Variants in PHYH observed in about 807,000 individuals in gnomAD.
The protein encoded by PHYH is phytanoyl-CoA 2-hydroxylase, also known as phytanoyl-CoA dioxygenase, peroxisomal.
In PHYH, 32 loss-of-function variants were observed where a neutral mutation model predicts 38.5. That is an observed-to-expected ratio of 0.83 (90% CI 0.63 to 1.12). The LOEUF (loss-of-function observed/expected upper bound fraction) is 1.12. Among genes scored for constraint, PHYH ranks in the 50% most tolerant of loss-of-function variants. The pLI is 0.00. For missense variants in PHYH, 426 were observed against 434.8 expected (o/e 0.98, Z 0.18); for synonymous variants, 166 against 157.9 (o/e 1.05, Z -0.38).
At chr10:13,286,232 T>C (rs895328646) in intron 6 of PHYH, among the ~76,000 whole-genome samples, 2 of 152,168 alleles carry the variant, frequency 1.3e-5, no homozygotes, top group Non-Finnish European at 2.9e-5. Context: ...TCTTTGCTTC[T>C]AGATGCCTAT....
intron 1 of PHYH, chr10:13,299,563 A>T: frequency 9.8e-7 from 1 of 1,017,590 alleles, no homozygotes; most frequent in Non-Finnish European, 1.2e-6. Flanking sequence ...GGTCCCGGTC[A>T]CTGCCTGCCT....
intron 5 of PHYH, among the ~76,000 whole-genome samples, chr10:13,289,279 T>C (rs1835641460): frequency 1.3e-5 from 2 of 152,140 alleles, no homozygotes; most frequent in South Asian, 4.1e-4. Flanking sequence ...CACTGCAAGC[T>C]CCGCCTCCCA....
At chr10:13,286,681 C>T (rs1588509694) in intron 6 of PHYH, among the ~76,000 whole-genome samples, 1 of 133,234 alleles carries the variant, frequency 7.5e-6, no homozygotes, top group Admixed American at 7.9e-5. Flanking sequence ...AGCCTGGTGA[C>T]AGAGTGAGAC....
At chr10:13,285,246 C>T (rs575623264) in intron 6 of PHYH, among the ~76,000 whole-genome samples, 128 of 152,034 alleles carry the variant, frequency 8.4e-4, no homozygotes, top group African/African-American at 2.9e-3. Context: ...TGCAGTGGTG[C>T]GATCTCAGCT....
rs888105327 is a variant in PHYH, at chr10:13,295,687, G to T, written c.135-81C>A. 7.1e-5 allele frequency: 53 copies of T among 743,300 alleles called. 2 individuals are homozygous for T. Among genetic ancestry groups the T allele is most frequent in the South Asian group, 3.9e-4 (28 of 71,114 alleles). The allele number at this position is 743,300 out of a possible 1,614,324, so 46.0% of individuals were successfully genotyped here. A position where few individuals can be genotyped will look rare whatever the true frequency, so the allele number is the denominator to read the frequency against. On this transcript the variant is annotated intron_variant, in intron 2 of 8. Transcript: ENST00000263038. Reference sequence around the variant, plus strand: ...ACAATGGCTCACACCTCTAATACTAGCACTTTAGCGGGCCGAGGCAAGTGG... The same window carrying T: ...ACAATGGCTCACACCTCTAATACTATCACTTTAGCGGGCCGAGGCAAGTGG...
At chr10:13,288,922 C>CAAA (rs36019637) in intron 5 of PHYH, among the ~76,000 whole-genome samples, 10 of 40,922 alleles carry the variant, frequency 2.4e-4, no homozygotes, top group African/African-American at 3.3e-4. Context: ...CACCCCCAAC[C>CAAA]AAAAAAAAAA....
At chr10:13,287,631 T>C (rs1808094968) in intron 6 of PHYH, among the ~76,000 whole-genome samples, 1 of 152,162 alleles carries the variant, frequency 6.6e-6, no homozygotes, top group Admixed American at 6.6e-5. Context: ...CTCTTCCCTA[T>C]GGGACATTGT....
chr10:13,287,750 TAGTG>T (rs1480903646), intron 6 of PHYH, among the ~76,000 whole-genome samples: 1 of 152,174 alleles, frequency 6.6e-6, no homozygotes, highest in Admixed American at 6.5e-5. Context: ...AGCCATCAGT[TAGTG>T]AGTAAGACTG....
chr10:13,287,266 G>C (rs1348515346), intron 6 of PHYH, among the ~76,000 whole-genome samples: 1 of 152,078 alleles, frequency 6.6e-6, no homozygotes, highest in African/African-American at 2.4e-5. Flanking sequence ...CTGAACCCAG[G>C]AGGCAGAGGT....
chr10:13,278,963 C>T (rs922845425), intron 8 of PHYH, among the ~76,000 whole-genome samples: 63 of 151,952 alleles, frequency 4.1e-4, no homozygotes, highest in African/African-American at 1.4e-3. Context: ...AATGTCATGT[C>T]GGGTTACAGA....
chr10:13,298,718 C>CACT lies in PHYH; in HGVS notation c.76-476_76-474dup, dbSNP rs56043624. 6.8e-3 allele frequency among the ~76,000 whole-genome samples: 633 copies of CACT among 93,430 alleles called. 3 individuals are homozygous for CACT. Among genetic ancestry groups the CACT allele is most frequent in the African/African-American group, 0.016 (412 of 26,174 alleles). The allele number at this position is 93,430 out of a possible 152,430, so 61.3% of individuals were successfully genotyped here. The stretch of plus-strand genomic sequence containing the variant: ...TCCATCTCAGAAAAAAAACTACCAC[C>CACT]ACTACTACTACTACTACTACTACTA... On this transcript the variant is annotated intron_variant, in intron 1 of 8. Coordinates refer to ENST00000263038, the MANE Select transcript of PHYH (RefSeq NM_006214.4).
chr10:13,295,015 T>C (rs1835807561), intron 3 of PHYH: 2 of 320,658 alleles, frequency 6.2e-6, no homozygotes, highest in Non-Finnish European at 1.2e-5. Context: ...GTGAAGTAAA[T>C]TGCCCCAGGA....
At chr10:13,289,272 T>C (rs1316984177) in intron 5 of PHYH, among the ~76,000 whole-genome samples, 1 of 152,194 alleles carries the variant, frequency 6.6e-6, no homozygotes, top group African/African-American at 2.4e-5. Context: ...CTCGGCTCAC[T>C]GCAAGCTCCG....
At chr10:13,299,867 G>A in intron 1 of PHYH, 101 bp downstream of exon 1, 1 of 1,368,396 alleles carries the variant, frequency 7.3e-7, no homozygotes, top group Non-Finnish European at 9.4e-7. Context: ...CTGGGGCTGC[G>A]AAGCGTGCGA....
In PHYH at chr10:13,291,878, T is replaced by C. The variant is rs1337094816; in HGVS notation, c.449A>G (p.Asn150Ser). ...CAACATTGTGTGCATGGCCATAATATTAGGTCCAGTGAAGCACTCCACATA... is the reference window on the plus strand; with the variant it reads ...CAACATTGTGTGCATGGCCATAATACTAGGTCCAGTGAAGCACTCCACATA... ...LKYVECFTGP[N>S]IMAMHTMLIN... Residue 150 changes from asparagine to serine, a missense_variant, in exon 5 of 9, where the codon AAT (asparagine) becomes AGT (serine). By Grantham distance (46) the Asn-to-Ser change is conservative. Coordinates refer to ENST00000263038, the MANE Select transcript of PHYH (RefSeq NM_006214.4). 1.2e-6 allele frequency: 2 copies of C among 1,611,032 alleles called. No homozygotes were observed.
rs28939672 is a variant in PHYH, at chr10:13,288,512, G to A, written c.526C>T (p.Gln176Ter). 5 of 1,614,044 alleles carry A rather than the reference G, an allele frequency of 3.1e-6. No individual in the cohort carries two copies. The highest frequency in any genetic ancestry group is 4.2e-6 in the Non-Finnish European group (5 of 1,180,044). Reference sequence around the variant, plus strand: ...CTGAAGGGGAAATAGTGCAGGTCCTGGTGCAGGGGGTGACGGGACGTCTTC... The same window carrying A: ...CTGAAGGGGAAATAGTGCAGGTCCTAGTGCAGGGGGTGACGGGACGTCTTC... ...GKKTSRHPLH[Q>*]DLHYFPFRPS... Residue 176 changes from glutamine to a stop codon, truncating the protein, a stop_gained, in exon 6 of 9, where the codon CAG becomes TAG. Transcript: ENST00000263038. LOFTEE classifies it high-confidence loss of function.
intron 4 of PHYH, 67 bp from the exon 5 acceptor site, chr10:13,291,979 A>C: frequency 9.6e-7 from 1 of 1,045,480 alleles, no homozygotes; most frequent in African/African-American, 1.5e-5. Flanking sequence ...AACTGGTACA[A>C]AGTACAGTAG....
At chr10:13,283,082 A>T (rs1835453018) in intron 7 of PHYH, among the ~76,000 whole-genome samples, 1 of 151,080 alleles carries the variant, frequency 6.6e-6, no homozygotes, top group Non-Finnish European at 1.5e-5. Flanking sequence ...CAGCCTCCGG[A>T]AGTGCTGGAA....
intron 5 of PHYH, chr10:13,291,386 A>AT (rs1376887468): frequency 5.4e-6 from 1 of 186,612 alleles, no homozygotes; most frequent in African/African-American, 2.4e-5. Flanking sequence ...CACTGTTGTT[A>AT]TAGTGTAAGT....
Sources: gnomAD v4.1 joint callset for allele counts (sites outside exome capture counted in the v4.1 genomes callset) on GRCh38, gnomAD v4.1.1 for gene constraint, MANE v1.5 for transcripts, NCBI Gene and HGNC (gene_info 2026-07-23, HGNC 2026-07-21) for gene names.